Variants in CACNA1E observed in about 807,000 individuals in gnomAD.
CACNA1E encodes voltage-dependent R-type calcium channel subunit alpha-1E.
Under a neutral mutation model 259.2 loss-of-function variants are expected in CACNA1E, and 40 were observed. The ratio of observed to expected loss-of-function variants is 0.15; its 90% CI spans 0.12 to 0.20. The LOEUF (loss-of-function observed/expected upper bound fraction) is 0.20, where lower values mean the gene tolerates loss of function less well. CACNA1E is among the 10% of genes least tolerant of loss of function. The pLI, the probability that CACNA1E is intolerant of heterozygous loss-of-function variation, is 1.00. For synonymous variants in CACNA1E, 1,104 were observed against 1,138.5 expected (o/e 0.97, Z 0.61); for missense variants, 1,874 against 3,040.1 (o/e 0.62, Z 9.02).
intron 7 of CACNA1E, among the ~76,000 whole-genome samples, chr1:181,660,323 C>T (rs1406706201): frequency 3.3e-5 from 5 of 152,172 alleles, no homozygotes; most frequent in East Asian, 3.8e-4. Context: ...CCTGGCTAGA[C>T]ATTTAGAATA....
intron 1 of CACNA1E, among the ~76,000 whole-genome samples, chr1:181,326,183 C>T (rs1490133121): frequency 6.6e-6 from 1 of 152,138 alleles, no homozygotes; most frequent in Non-Finnish European, 1.5e-5. Context: ...TTTTGAGGTA[C>T]AGGAATTGTC....
intron 1 of CACNA1E, among the ~76,000 whole-genome samples, chr1:181,389,398 C>T (rs572560104): frequency 1.6e-4 from 25 of 152,190 alleles, no homozygotes; most frequent in Non-Finnish European, 2.9e-4. Flanking sequence ...GTGTGTTGGG[C>T]GACTAATTTT....
chr1:181,686,292 T>G (rs983733210), intron 7 of CACNA1E, among the ~76,000 whole-genome samples: 93 of 136,352 alleles, frequency 6.8e-4, no homozygotes, highest in Admixed American at 1.6e-3. Flanking sequence ...TTTTTTTTTT[T>G]TTTTTTTTTT....
intron 6 of CACNA1E, among the ~76,000 whole-genome samples, chr1:181,593,658 C>T (rs1652876899): frequency 6.6e-6 from 1 of 152,188 alleles, no homozygotes; most frequent in Non-Finnish European, 1.5e-5. Flanking sequence ...TCTGCCTCAG[C>T]CTTCTGAGTA....
intron 1 of CACNA1E, among the ~76,000 whole-genome samples, chr1:181,320,175 G>A (rs773618924): frequency 3.3e-5 from 5 of 152,202 alleles, no homozygotes; most frequent in African/African-American, 9.7e-5. Flanking sequence ...CTGTCACAGC[G>A]CCTCCACTCC....
At chr1:181,326,813 C>T (rs529832786) in intron 1 of CACNA1E, among the ~76,000 whole-genome samples, 1 of 152,308 alleles carries the variant, frequency 6.6e-6, no homozygotes, top group African/African-American at 2.4e-5. Flanking sequence ...TCTCACATGG[C>T]CTCTTTCAGC....
At chr1:181,371,048 C>T (rs1237301173) in intron 1 of CACNA1E, among the ~76,000 whole-genome samples, 1 of 152,022 alleles carries the variant, frequency 6.6e-6, no homozygotes, top group Non-Finnish European at 1.5e-5. Flanking sequence ...TTTTCATATG[C>T]TTGTTGGCTG....
intron 2 of CACNA1E, among the ~76,000 whole-genome samples, chr1:181,448,796 C>T (rs1391473717): frequency 2.0e-5 from 3 of 152,214 alleles, no homozygotes; most frequent in African/African-American, 7.2e-5. Context: ...CTGGGTGTGA[C>T]AGGTGGAGGG....
intron 4 of CACNA1E, 144 bp from the exon 5 acceptor site, chr1:181,578,928 G>C (rs1195044291): frequency 3.1e-6 from 2 of 647,496 alleles, no homozygotes; most frequent in Non-Finnish European, 5.0e-6. Flanking sequence ...ATTTCCTTTA[G>C]GAAAGGAGCA....
chr1:181,380,795 T>TA (rs540048810), intron 1 of CACNA1E, among the ~76,000 whole-genome samples: 3 of 151,650 alleles, frequency 2.0e-5, no homozygotes, highest in Admixed American at 6.6e-5. Context: ...TTTAGCAGTT[T>TA]AAAAAAAAAT....
chr1:181,766,786 C>T (rs1456047862), intron 35 of CACNA1E, among the ~76,000 whole-genome samples, 175 bp downstream of exon 35: 2 of 152,164 alleles, frequency 1.3e-5, no homozygotes, highest in African/African-American at 4.8e-5. Context: ...CAGTGGCTCC[C>T]CATTTTAGCT....
chr1:181,440,771 C>T (rs1660408393), intron 2 of CACNA1E, among the ~76,000 whole-genome samples: 1 of 151,740 alleles, frequency 6.6e-6, no homozygotes, highest in South Asian at 2.1e-4. Context: ...TGCCTGAGCC[C>T]AGGAGTTCGA....
At chr1:181,533,244 TA>T (rs1267406414) in intron 3 of CACNA1E, among the ~76,000 whole-genome samples, 1 of 150,704 alleles carries the variant, frequency 6.6e-6, no homozygotes, top group African/African-American at 2.4e-5. Flanking sequence ...AAATATTGCA[TA>T]AAAATTTATT....
At chr1:181,631,361 C>G (rs965664577) in intron 6 of CACNA1E, among the ~76,000 whole-genome samples, 3 of 142,546 alleles carry the variant, frequency 2.1e-5, no homozygotes, top group East Asian at 2.2e-4. Flanking sequence ...CTCTATCCCC[C>G]TCTCTAAATG....
intron 6 of CACNA1E, among the ~76,000 whole-genome samples, chr1:181,591,344 T>C (rs1349407031): frequency 6.6e-6 from 1 of 152,232 alleles, no homozygotes; most frequent in African/African-American, 2.4e-5. Flanking sequence ...GCTTGTTTGC[T>C]TTTATAAAGT....
intron 2 of CACNA1E, among the ~76,000 whole-genome samples, chr1:181,455,620 T>A (rs1471601935): frequency 6.6e-6 from 1 of 152,220 alleles, no homozygotes; most frequent in Non-Finnish European, 1.5e-5. Context: ...AATGCCCCAG[T>A]TCACCTTGTA....
intron 3 of CACNA1E, among the ~76,000 whole-genome samples, chr1:181,517,287 A>G (rs1666658528): frequency 1.3e-5 from 2 of 152,124 alleles, no homozygotes; most frequent in Non-Finnish European, 2.9e-5. Flanking sequence ...GCACATGGAG[A>G]GAGGCACACA....
chr1:181,481,912 A>G (rs1365718293), upstream of CACNA1E, among the ~76,000 whole-genome samples: 1 of 150,952 alleles, frequency 6.6e-6, no homozygotes, highest in Non-Finnish European at 1.5e-5. Context: ...GGGGGGCGGG[A>G]GGATCCTTCT....
At chr1:181,642,716 G>C (rs1413350207) in intron 6 of CACNA1E, among the ~76,000 whole-genome samples, 1 of 152,174 alleles carries the variant, frequency 6.6e-6, no homozygotes, top group Non-Finnish European at 1.5e-5. Flanking sequence ...TGCTTTGGCT[G>C]ATCTGCATAC....
Sources: allele counts gnomAD v4.1 joint callset (sites outside exome capture counted in the v4.1 genomes callset), GRCh38; gene constraint gnomAD v4.1.1; transcripts MANE v1.5; gene names NCBI Gene and HGNC (gene_info 2026-07-23, HGNC 2026-07-21).